The following SSC5D variants were observed in gnomAD, a reference collection of about 807,000 sequenced individuals.
SSC5D encodes soluble scavenger receptor cysteine-rich domain-containing protein SSC5D.
SSC5D carries 106 observed loss-of-function variants against 104.6 expected under a neutral mutation model. The observed-to-expected ratio is 1.01, with a 90% CI of 0.87 to 1.19. The LOEUF (loss-of-function observed/expected upper bound fraction) is 1.19. Ranked by LOEUF, SSC5D falls within the 50% of genes most tolerant of loss-of-function variation. The pLI, the probability that SSC5D is intolerant of heterozygous loss-of-function variation, is 0.00. For synonymous variants in SSC5D, 860 were observed against 883.5 expected, an observed-to-expected ratio of 0.97 and a Z score of 0.47; for missense variants, 1,993 against 2,153.8, an observed-to-expected ratio of 0.93 and a Z score of 1.48.
In SSC5D at chr19:55,503,420, G is replaced by C. The variant is rs1052386466; in HGVS notation, c.2785+2219G>C. Among the ~76,000 whole-genome samples the C allele has an allele frequency of 6.6e-6, 1 of 151,956 alleles. No individual in the cohort carries two copies. The highest frequency in any genetic ancestry group is 2.4e-5 in the African/African-American group (1 of 41,340). On this transcript the variant is annotated intron_variant, in intron 12 of 13. Transcript: ENST00000389623. This position sits in a 1 kb window ranked among gnomAD's most constrained non-coding sequence, Gnocchi z 4.0. The stretch of plus-strand genomic sequence containing the variant: ...TGGTATCTTTTCCTTTGTCTCTTAC[G>C]GTTGTTTTCTGAGTCTCCATCTCCC...
Position 55,517,809 on chromosome 19 carries a change from C to T in SSC5D, c.3533C>T (p.Thr1178Ile). Reference protein sequence around the residue: ...NPTVTPHFPTTPHPTTTPHPT... With the variant: ...NPTVTPHFPTIPHPTTTPHPT... ...ACTGTGACCCCTCACTTCCCTACCA[C>T]CCCTCACCCCACCACGACCCCTCAC... Residue 1178 changes from threonine to isoleucine, a missense_variant, in exon 14 of 14, where the codon ACC becomes ATC. Thr to Ile is a moderately conservative substitution (Grantham distance 89). Transcript: ENST00000389623. 2 of 1,547,294 alleles carry T rather than the reference C, an allele frequency of 1.3e-6. No individual in the cohort carries two copies. The highest frequency in any genetic ancestry group is 1.7e-6 in the Non-Finnish European group (2 of 1,145,596).
intron 8 of SSC5D, among the ~76,000 whole-genome samples, chr19:55,496,373 A>G (rs896221706): frequency 6.6e-6 from 1 of 152,210 alleles, no homozygotes; most frequent in Admixed American, 6.5e-5. Flanking sequence ...AGAAAATAAA[A>G]AGGCGTGGTT....
At position 55,490,311 on chromosome 19, in the gene SSC5D, TG is replaced by T; in HGVS notation, c.492del (p.Asn165ThrfsTer24). ...CTCCACTCCCAGCCCCCCGCCCAGC[TG>T]GGAACCCCCAGAACGCCTCCCGGAA... ...PLVTHAPRPA[G>X]NPQNASRKKS... On this transcript the variant is annotated frameshift_variant, in exon 5 of 14. Transcript: ENST00000389623. LOFTEE classifies it high-confidence loss of function. The T allele has an allele frequency of 7.7e-7, 1 of 1,300,752 alleles. No homozygotes were observed. The highest frequency in any genetic ancestry group is 1.1e-6 in the Non-Finnish European group (1 of 925,912). The allele number at this position is 1,300,752 out of a possible 1,614,324, so 80.6% of individuals were successfully genotyped here. A position where few individuals can be genotyped will look rare whatever the true frequency, so the allele number is the denominator to read the frequency against.
In SSC5D at chr19:55,500,480, T is replaced by G; in HGVS notation, c.2303-10T>G. 1 of 1,550,622 alleles carries G rather than the reference T, an allele frequency of 6.4e-7. No individual in the cohort carries two copies. Among genetic ancestry groups the G allele is most frequent in the Non-Finnish European group, 8.7e-7 (1 of 1,146,242 alleles). ...GACCCTCCCTCCTGACCTAAGGGCC[T>G]TCCACGCAGGCCTGTTCCGGGTTCG... On this transcript the variant is annotated splice_polypyrimidine_tract_variant and intron_variant, in intron 10 of 13. Transcript: ENST00000389623. The surrounding 1 kb of genome is among the most constrained non-coding windows in gnomAD (Gnocchi z 4.6).
Position 55,489,590 on chromosome 19 carries a change from G to T in SSC5D, c.289G>T (p.Gly97Cys). 6.6e-7 allele frequency: 1 copy of T among 1,525,754 alleles called. No homozygotes were observed. The highest frequency in any genetic ancestry group is 8.8e-7 in the Non-Finnish European group (1 of 1,141,352). 94.5% of individuals were successfully genotyped at this position (1,525,754 alleles called of 1,614,324 possible). A position where few individuals can be genotyped will look rare whatever the true frequency, so the allele number is the denominator to read the frequency against. Residue 97 changes from glycine (G) to cysteine (C), a missense_variant, in exon 3 of 14, where the codon GGC becomes TGC. Coordinates refer to ENST00000389623, the MANE Select transcript of SSC5D (RefSeq NM_001144950.2). ...LACRGNEGQL[G>C]LCHHRGWKAH... ...TTGCCGGGGCAACGAGGGGCAGCTGGGCCTCTGCCACCACCGGGGCTGGAA... is the reference window on the plus strand; with the variant it reads ...TTGCCGGGGCAACGAGGGGCAGCTGTGCCTCTGCCACCACCGGGGCTGGAA...
At chr19:55,497,717 A>C (rs1396666273) in intron 8 of SSC5D, among the ~76,000 whole-genome samples, 163 bp from the exon 9 acceptor site, 1 of 152,226 alleles carries the variant, frequency 6.6e-6, no homozygotes, top group African/African-American at 2.4e-5. Context: ...GGCACAAAAA[A>C]GGCCTCATGA....
chr19:55,506,694 G>A (rs904519281), intron 12 of SSC5D, among the ~76,000 whole-genome samples: 4 of 151,940 alleles, frequency 2.6e-5, no homozygotes, highest in African/African-American at 4.8e-5. Context: ...GCGCCCGGCC[G>A]GAGTTTGGAT....
At chr19:55,499,106 C>T (rs1404268532) in intron 9 of SSC5D, among the ~76,000 whole-genome samples, 2 of 152,188 alleles carry the variant, frequency 1.3e-5, no homozygotes, top group African/African-American at 4.8e-5. Context: ...ATGTGGCTGA[C>T]CATAAATCAC....
In SSC5D at chr19:55,500,499, G is replaced by A. The variant is rs770196004; in HGVS notation, c.2312G>A (p.Arg771Gln). ...AGGGCCTTCCACGCAGGCCTGTTCC[G>A]GGTTCGTCTGGCCGATGGGCCCAAC... ...VSTTGESGLFRVRLADGPNRC... is the reference protein window; with the variant it reads ...VSTTGESGLFQVRLADGPNRC... The change falls in exon 11 of 14, where the codon CGG (arginine) becomes CAG (glutamine). Residue 771 changes from arginine to glutamine, a missense_variant. By Grantham distance (43) the Arg-to-Gln change is conservative. This residue lies in a region of SSC5D where 70 missense variants were observed against 107.1 expected (regional missense o/e 0.65). Transcript: ENST00000389623. This position sits in a 1 kb window ranked among gnomAD's most constrained non-coding sequence, Gnocchi z 4.6. 21 of 1,551,384 alleles carry A rather than the reference G, an allele frequency of 1.4e-5. No homozygotes were observed. Among genetic ancestry groups the A allele is most frequent in the East Asian group, 4.9e-5 (2 of 40,928 alleles).
In SSC5D at chr19:55,489,975, A is replaced by G; in HGVS notation, c.455A>G (p.Glu152Gly). 1 of 1,548,732 alleles carries G rather than the reference A, an allele frequency of 6.5e-7. No homozygotes were observed. Among genetic ancestry groups the G allele is most frequent in the Non-Finnish European group, 8.7e-7 (1 of 1,146,386 alleles). Residue 152 changes from glutamate (E) to glycine (G), a missense_variant, in exon 4 of 14, where the codon GAG (glutamate) becomes GGG (glycine). Coordinates refer to ENST00000389623, the MANE Select transcript of SSC5D (RefSeq NM_001144950.2). ...TTGCTGGAGCTGAGCCCCAGCACGG[A>G]GGAGCCCCTGGTGACACATGGTGAG... Reference protein sequence around the residue: ...GLLLELSPSTEEPLVTHAPRP... With the variant: ...GLLLELSPSTGEPLVTHAPRP...
rs1169949867 is a variant in SSC5D at position 55,500,724 on chromosome 19, C to T, written c.2537C>T (p.Ala846Val). The change falls in exon 11 of 14, where the codon GCC (alanine) becomes GTC (valine). Residue 846 changes from alanine (A) to valine (V), a missense_variant. Physicochemically the swap from Ala to Val is moderately conservative, Grantham distance 64 (BLOSUM62 0). Coordinates refer to ENST00000389623, the MANE Select transcript of SSC5D (RefSeq NM_001144950.2). The surrounding 1 kb of genome is among the most constrained non-coding windows in gnomAD (Gnocchi z 4.6). ...LDDMGCKGSE[A>V]SLSDCPSGAW... ...GACATGGGCTGTAAGGGAAGCGAGGCCTCACTGAGCGACTGCCCCTCGGGG... is the reference window on the plus strand; with the variant it reads ...GACATGGGCTGTAAGGGAAGCGAGGTCTCACTGAGCGACTGCCCCTCGGGG... 6 of 1,551,670 alleles carry T rather than the reference C, an allele frequency of 3.9e-6. No individual in the cohort carries two copies. Among genetic ancestry groups the T allele is most frequent in the Non-Finnish European group, 5.2e-6 (6 of 1,147,004 alleles).
chr19:55,501,334 C>G (rs773620472), intron 12 of SSC5D, 133 bp downstream of exon 12: 65 of 1,038,934 alleles, frequency 6.3e-5, no homozygotes, highest in Non-Finnish European at 7.7e-5. Context: ...TTTTCCTTGG[C>G]TCCTGAGACC....
intron 12 of SSC5D, among the ~76,000 whole-genome samples, chr19:55,502,090 G>A (rs973184997): frequency 1.3e-5 from 2 of 152,006 alleles, no homozygotes; most frequent in Non-Finnish European, 2.9e-5. Flanking sequence ...TTGTAGAGAC[G>A]GGCTCACTAT....
At chr19:55,513,644 A>C (rs955259741) in intron 13 of SSC5D, among the ~76,000 whole-genome samples, 1 of 152,182 alleles carries the variant, frequency 6.6e-6, no homozygotes, top group East Asian at 1.9e-4. Context: ...TTTTGCCCCC[A>C]AGGGGAATTT....
intron 12 of SSC5D, among the ~76,000 whole-genome samples, chr19:55,508,511 GAGGTAGGGAGAGGTC>G (rs1987687152): frequency 6.6e-6 from 1 of 152,176 alleles, no homozygotes; most frequent in African/African-American, 2.4e-5. Context: ...TAAGGAAACT[GAGGTAGGGAGAGGTC>G]AGGATTGCAA....
chr19:55,503,272 A>G lies in SSC5D; in HGVS notation c.2785+2071A>G, dbSNP rs569168566. Among the ~76,000 whole-genome samples the G allele has an allele frequency of 3.7e-3, 562 of 151,994 alleles. 2 individuals are homozygous for G. The highest frequency in any genetic ancestry group is 6.8e-3 in the Middle Eastern group (2 of 292). ...TGTATCTTCCGTCCTCTTGTCTTTC[A>G]CTTTCAGTTCTCAGCTTCGCCACCT... On this transcript the variant is annotated intron_variant, in intron 12 of 13. Transcript: ENST00000389623. The surrounding 1 kb of genome is among the most constrained non-coding windows in gnomAD (Gnocchi z 4.0).
In SSC5D at chr19:55,491,016, C is replaced by T. The variant is rs200655392; in HGVS notation, c.831C>T (p.Cys277=). The T allele has an allele frequency of 1.2e-5, 18 of 1,549,886 alleles. No homozygotes were observed. The highest frequency in any genetic ancestry group is 1.7e-4 in the Middle Eastern group (1 of 6,006). The change falls in exon 6 of 14, where the codon TGC becomes TGT. Residue 277 remains cysteine (C), a synonymous_variant. Coordinates refer to ENST00000389623, the MANE Select transcript of SSC5D (RefSeq NM_001144950.2). ...GAGGAGAACAGGCCCTCCGAGACTG[C>T]CCCCGAAGCCCCTGGGGCCGGAGCA... ...CGGGEQALRD[C]PRSPWGRSNC... is the part of the protein sequence containing the mutation.
chr19:55,490,645 C>A, intron 5 of SSC5D, 127 bp from the exon 6 acceptor site: 1 of 1,156,934 alleles, frequency 8.6e-7, no homozygotes, highest in Non-Finnish European at 1.2e-6. Flanking sequence ...CACCTCTTCA[C>A]GGGCTGCCGG....
At chr19:55,491,344 T>A in intron 6 of SSC5D, 1 of 467,428 alleles carries the variant, frequency 2.1e-6, no homozygotes, top group East Asian at 3.8e-5. Context: ...ACCGTTTGTT[T>A]AAGCCTCAGT....
Sources: gnomAD v4.1 joint callset for allele counts (sites outside exome capture counted in the v4.1 genomes callset) on GRCh38, gnomAD v4.1.1 for gene constraint, gnomAD v4.1.1 regional missense constraint, Gnocchi (gnomAD v3.1) non-coding constraint, MANE v1.5 for transcripts, NCBI Gene and HGNC (gene_info 2026-07-23, HGNC 2026-07-21) for gene names.